The following PIK3C2G variants were observed in gnomAD, a reference collection of about 807,000 sequenced individuals.
The protein encoded by PIK3C2G is phosphatidylinositol-4-phosphate 3-kinase catalytic subunit type 2 gamma, also known as phosphatidylinositol 3-kinase C2 domain-containing subunit gamma.
In PIK3C2G, 168 loss-of-function variants were observed where a neutral mutation model predicts 181.1. The ratio of observed to expected loss-of-function variants is 0.93; its 90% CI spans 0.82 to 1.05. The LOEUF (loss-of-function observed/expected upper bound fraction) is 1.05. Ranked by LOEUF, PIK3C2G falls within the 50% of genes least tolerant of loss-of-function variation. The probability of loss-of-function intolerance (pLI) is 0.00; values close to 1 mark genes in which losing one functional copy is unlikely to be tolerated. For missense variants in PIK3C2G, 1,869 were observed against 1,732.8 expected, an observed-to-expected ratio of 1.08 and a Z score of -1.40; for synonymous variants, 573 against 592.2, an observed-to-expected ratio of 0.97 and a Z score of 0.47.
rs765894008 is a variant in PIK3C2G, at chr12:18,505,452, G to A, written c.3314G>A (p.Gly1105Glu). 43 of 1,610,760 alleles carry A rather than the reference G, an allele frequency of 2.7e-5. No individual in the cohort carries two copies. The highest frequency in any genetic ancestry group is 3.2e-5 in the Non-Finnish European group (38 of 1,178,210). The change falls in exon 24 of 33, where the codon GGG (glycine) becomes GAG (glutamate). Residue 1105 changes from glycine to glutamate, a missense_variant. Coordinates refer to ENST00000538779, the MANE Select transcript of PIK3C2G (RefSeq NM_001288772.2). ...TTAGGTCATGCACAAACATTTGGAG[G>A]GATAAAAAGGTCAGTGCACAAATGT... ...KFLGHAQTFG[G>E]IKRDRAPFIF...
chr12:18,313,653 A>G (rs1950732540), intron 5 of PIK3C2G, among the ~76,000 whole-genome samples: 1 of 152,102 alleles, frequency 6.6e-6, no homozygotes, highest in African/African-American at 2.4e-5. Flanking sequence ...GTTAAAATTT[A>G]TTGTGATAAT....
At chr12:18,399,912 A>G in intron 16 of PIK3C2G, 65 bp downstream of exon 16, 2 of 967,166 alleles carry the variant, frequency 2.1e-6, no homozygotes, top group East Asian at 2.6e-5. Context: ...AGAACTATAG[A>G]ACCATATAAT....
chr12:18,615,614 G>A (rs959829997), intron 31 of PIK3C2G, among the ~76,000 whole-genome samples: 1 of 151,592 alleles, frequency 6.6e-6, no homozygotes, highest in East Asian at 1.9e-4. Flanking sequence ...TGGATCAAAT[G>A]GTAGCTCTAC....
At chr12:18,572,954 T>C (rs1029474659) in intron 29 of PIK3C2G, among the ~76,000 whole-genome samples, 8 of 152,168 alleles carry the variant, frequency 5.3e-5, no homozygotes, top group African/African-American at 1.9e-4. Flanking sequence ...TCCCCATTTT[T>C]ACTGAAAATC....
chr12:18,599,379 T>C (rs1288538322), intron 30 of PIK3C2G, among the ~76,000 whole-genome samples: 3 of 151,974 alleles, frequency 2.0e-5, no homozygotes, highest in African/African-American at 7.3e-5. Context: ...ATCATCATTC[T>C]CAGTAAACTA....
chr12:18,310,632 G>A (rs750988339), intron 5 of PIK3C2G, among the ~76,000 whole-genome samples: 1 of 151,786 alleles, frequency 6.6e-6, no homozygotes, highest in Admixed American at 6.6e-5. Context: ...TTTAAGATAT[G>A]TTTCCTTTTC....
At chr12:18,420,276 T>C (rs1200181094) in intron 16 of PIK3C2G, among the ~76,000 whole-genome samples, 3 of 152,074 alleles carry the variant, frequency 2.0e-5, no homozygotes, top group African/African-American at 7.2e-5. Context: ...AGGAATCCAT[T>C]TCAGGATAAA....
chr12:18,251,861 A>G (rs998653928), intron 1 of PIK3C2G, among the ~76,000 whole-genome samples: 5 of 152,112 alleles, frequency 3.3e-5, no homozygotes, highest in Non-Finnish European at 7.4e-5. Context: ...GAAGAAAGGA[A>G]TGAAGATACC....
At chr12:18,602,598 G>T (rs1360097475) in intron 30 of PIK3C2G, among the ~76,000 whole-genome samples, 1 of 151,936 alleles carries the variant, frequency 6.6e-6, no homozygotes, top group African/African-American at 2.4e-5. Flanking sequence ...AACCACCAAA[G>T]CTAAGGACCC....
intron 5 of PIK3C2G, among the ~76,000 whole-genome samples, chr12:18,301,180 A>G (rs1950160275): frequency 6.6e-6 from 1 of 152,130 alleles, no homozygotes; most frequent in Non-Finnish European, 1.5e-5. Flanking sequence ...ACAATGTGCA[A>G]TGGAAAAGAC....
chr12:18,636,111 A>G (rs1435491356), intron 31 of PIK3C2G, among the ~76,000 whole-genome samples: 1 of 152,196 alleles, frequency 6.6e-6, no homozygotes, highest in East Asian at 1.9e-4. Flanking sequence ...TACCATATGA[A>G]CTAAATTATG....
chr12:18,605,038 A>G (rs1947939601), intron 30 of PIK3C2G, among the ~76,000 whole-genome samples: 1 of 152,220 alleles, frequency 6.6e-6, no homozygotes, highest in Admixed American at 6.5e-5. Flanking sequence ...AATAACCAAG[A>G]TCAGAGCAGA....
intron 18 of PIK3C2G, among the ~76,000 whole-genome samples, chr12:18,430,184 T>C (rs1946074797): frequency 6.6e-6 from 1 of 152,186 alleles, no homozygotes; most frequent in South Asian, 2.1e-4. Flanking sequence ...AATTTAAATA[T>C]GTGTTTTTAG....
intron 29 of PIK3C2G, among the ~76,000 whole-genome samples, chr12:18,590,315 T>C (rs917149851): frequency 6.6e-6 from 1 of 151,944 alleles, no homozygotes; most frequent in Non-Finnish European, 1.5e-5. Context: ...ACACCTCATA[T>C]TCCAGGATTG....
At chr12:18,553,567 T>C (rs1448117085) in intron 26 of PIK3C2G, among the ~76,000 whole-genome samples, 1 of 152,138 alleles carries the variant, frequency 6.6e-6, no homozygotes, top group Non-Finnish European at 1.5e-5. Flanking sequence ...ACTTGTAGCA[T>C]GAATTCTGAA....
intron 16 of PIK3C2G, among the ~76,000 whole-genome samples, chr12:18,417,784 T>C (rs1398628268): frequency 1.3e-5 from 2 of 152,126 alleles, no homozygotes; most frequent in Non-Finnish European, 2.9e-5. Flanking sequence ...CTGGCTTTAT[T>C]GTGATATTTT....
intron 16 of PIK3C2G, among the ~76,000 whole-genome samples, chr12:18,409,119 T>A (rs1207606658): frequency 6.6e-6 from 1 of 152,102 alleles, no homozygotes; most frequent in Non-Finnish European, 1.5e-5. Flanking sequence ...GCAGCACTGT[T>A]CACAATAGTA....
intron 26 of PIK3C2G, among the ~76,000 whole-genome samples, chr12:18,559,821 TAGAGAGAGAGAGAG>T (rs1171468138): frequency 6.6e-3 from 121 of 18,314 alleles, no homozygotes; most frequent in South Asian, 0.014. Context: ...TATATATATA[TAGAGAGAGAGAGAG>T]AGAGAGAGAG....
chr12:18,257,867 AG>A (rs1392487475), upstream of PIK3C2G, among the ~76,000 whole-genome samples: 2 of 152,000 alleles, frequency 1.3e-5, no homozygotes, highest in Non-Finnish European at 2.9e-5. Context: ...GAAAGAAGAT[AG>A]AAAAAGAAAG....
Sources: allele counts gnomAD v4.1 joint callset (sites outside exome capture counted in the v4.1 genomes callset), GRCh38; gene constraint gnomAD v4.1.1; transcripts MANE v1.5; gene names NCBI Gene and HGNC (gene_info 2026-07-23, HGNC 2026-07-21).